HPS1: variants seen among roughly 807,000 people sequenced by gnomAD.
The protein encoded by HPS1 is BLOC-3 complex member HPS1.
A neutral mutation model predicts 90.6 loss-of-function variants in HPS1; 59 were observed. That is an observed-to-expected ratio of 0.65 (90% CI 0.53 to 0.81). HPS1 has a LOEUF of 0.81. Ranked by LOEUF, HPS1 falls within the 30% of genes least tolerant of loss-of-function variation. HPS1 has a pLI of 0.00. For synonymous variants in HPS1, 388 were observed against 384.4 expected (o/e 1.01, Z -0.11); for missense variants, 849 against 896.7 (o/e 0.95, Z 0.68).
At chr10:98,415,079 C>T (rs369500903), downstream of HPS1, 52 of 1,613,994 alleles carry the variant, frequency 3.2e-5, no homozygotes, top group Admixed American at 5.0e-5. Flanking sequence ...CTCGTCTCCA[C>T]GCCGGGAAGG....
At chr10:98,413,967 A>G (rs928869143), downstream of HPS1, 1 of 152,128 alleles carries the variant, frequency 6.6e-6, no homozygotes, top group Non-Finnish European at 1.5e-5. Context: ...AGAGTATTGT[A>G]TCTTTATTTG....
intron 3 of HPS1, among the ~76,000 whole-genome samples, chr10:98,438,782 G>A (rs1021033235): frequency 5.9e-5 from 9 of 152,220 alleles, no homozygotes; most frequent in Admixed American, 4.6e-4. Flanking sequence ...AGAGCCAAAC[G>A]TTAATCACCA....
intron 2 of HPS1, 70 bp from the exon 3 acceptor site, chr10:98,443,310 A>C: frequency 9.0e-7 from 1 of 1,108,572 alleles, no homozygotes. Context: ...TGAGTAACGA[A>C]GAGGACCCCA....
chr10:98,425,443 C>G, intron 13 of HPS1, 98 bp downstream of exon 13: 1 of 1,235,416 alleles, frequency 8.1e-7, no homozygotes, highest in Non-Finnish European at 1.2e-6. Flanking sequence ...CGGACAGGAA[C>G]CCAGGCCCAT....
At chr10:98,441,670 G>A (rs988832674) in intron 3 of HPS1, among the ~76,000 whole-genome samples, 2 of 152,072 alleles carry the variant, frequency 1.3e-5, no homozygotes, top group African/African-American at 4.8e-5. Flanking sequence ...GTAAGAATAA[G>A]AAGAAGAAAC....
At chr10:98,434,965 T>G in intron 5 of HPS1, 1 of 423,136 alleles carries the variant, frequency 2.4e-6, no homozygotes, top group Non-Finnish European at 4.4e-6. Context: ...CGGGTGATGA[T>G]GTTGGGAGGA....
chr10:98,433,906 A>G, intron 6 of HPS1, 77 bp downstream of exon 6: 1 of 1,540,732 alleles, frequency 6.5e-7, no homozygotes, highest in Non-Finnish European at 8.7e-7. Flanking sequence ...ATTAGGGTTA[A>G]AACATGGTCT....
intron 18 of HPS1, among the ~76,000 whole-genome samples, chr10:98,419,443 C>A (rs898817473): frequency 6.6e-6 from 1 of 152,006 alleles, no homozygotes; most frequent in African/African-American, 2.4e-5. Flanking sequence ...CACTGCACCC[C>A]TCACAGCCCT....
chr10:98,444,385 G>A (rs1383007371), intron 2 of HPS1, among the ~76,000 whole-genome samples: 1 of 152,094 alleles, frequency 6.6e-6, no homozygotes, highest in Non-Finnish European at 1.5e-5. Context: ...CTCTGCGTGC[G>A]GCAAACCCTC....
chr10:98,423,692 G>A (rs779416318), intron 15 of HPS1, 24 bp from the exon 16 acceptor site: 9 of 1,614,068 alleles, frequency 5.6e-6, no homozygotes, highest in African/African-American at 1.3e-5. Context: ...CTCGGGCTGC[G>A]TGAAGGAAGT....
downstream of HPS1, chr10:98,415,179 G>C: frequency 6.2e-7 from 1 of 1,600,376 alleles, no homozygotes; most frequent in Non-Finnish European, 8.5e-7. Context: ...GTTTGCTAGC[G>C]ATTGGCTTTT....
intron 3 of HPS1, chr10:98,442,519 CTTTTT>C (rs537350480): frequency 4.2e-5 from 6 of 143,004 alleles, no homozygotes; most frequent in Admixed American, 2.0e-4. Context: ...TTACGTTAAA[CTTTTT>C]TTTTTTTTTT....
intron 18 of HPS1, among the ~76,000 whole-genome samples, chr10:98,419,483 C>T (rs1427759288): frequency 6.6e-6 from 1 of 151,972 alleles, no homozygotes; most frequent in Non-Finnish European, 1.5e-5. Flanking sequence ...GATCCCTGAC[C>T]CCGTTGTATG....
intron 18 of HPS1, among the ~76,000 whole-genome samples, chr10:98,418,661 G>A (rs80146893): frequency 0.011 from 1,741 of 152,358 alleles, 14 homozygotes; most frequent in South Asian, 0.038. Flanking sequence ...TCTGCTGGAC[G>A]TGCCGTGTGT....
intron 18 of HPS1, among the ~76,000 whole-genome samples, chr10:98,419,478 C>T (rs1844567082): frequency 6.6e-6 from 1 of 152,150 alleles, no homozygotes; most frequent in East Asian, 2.0e-4. Flanking sequence ...GCAGGGATCC[C>T]TGACCCCGTT....
intron 10 of HPS1, among the ~76,000 whole-genome samples, chr10:98,428,970 T>C (rs1221144454): frequency 2.6e-5 from 4 of 151,736 alleles, no homozygotes; most frequent in African/African-American, 9.7e-5. Flanking sequence ...GCCTCCCGAG[T>C]AGCTGGGATT....
rs766753028 is a variant in HPS1 at position 98,420,147 on chromosome 10, C to T, written c.1755G>A (p.Leu585=). Residue 585 remains leucine, a synonymous_variant, in exon 18 of 20, where the codon CTG becomes CTA. Transcript: ENST00000361490. ...GCAGGTATCTGCGCGCCAGCTGGAT[C>T]AGAGACCAGACCTGGGGAAAAGACA... ...AAFVKTKVWS[L]IQLARRYLQK... 3.1e-5 allele frequency: 50 copies of T among 1,612,696 alleles called. No homozygotes were observed. The highest frequency in any genetic ancestry group is 4.0e-5 in the Non-Finnish European group (47 of 1,178,852).
intron 3 of HPS1, among the ~76,000 whole-genome samples, chr10:98,440,216 T>C (rs905371366): frequency 6.6e-6 from 1 of 152,244 alleles, no homozygotes; most frequent in Non-Finnish European, 1.5e-5. Flanking sequence ...CATATATTAC[T>C]TGGCGGAATT....
At chr10:98,434,628 A>G (rs562822381) in intron 5 of HPS1, among the ~76,000 whole-genome samples, 2 of 152,020 alleles carry the variant, frequency 1.3e-5, no homozygotes, top group East Asian at 3.9e-4. Flanking sequence ...TATCGCCACA[A>G]AACTAAAGTC....
Sources: allele counts gnomAD v4.1 joint callset (sites outside exome capture counted in the v4.1 genomes callset), GRCh38; gene constraint gnomAD v4.1.1; transcripts MANE v1.5; gene names NCBI Gene and HGNC (gene_info 2026-07-23, HGNC 2026-07-21).